Variants in L3MBTL4 observed in about 807,000 individuals in gnomAD.
L3MBTL4 encodes the protein lethal(3)malignant brain tumor-like protein 4.
In L3MBTL4, 70 loss-of-function variants were observed where a neutral mutation model predicts 84.5. The observed-to-expected ratio is 0.83, with a 90% confidence interval of 0.68 to 1.01. The LOEUF is 1.01. Among genes scored for constraint, L3MBTL4 ranks in the 50% least tolerant of loss-of-function variants. The probability of loss-of-function intolerance (pLI) is 0.00; values close to 1 mark genes in which losing one functional copy is unlikely to be tolerated. For synonymous variants in L3MBTL4, 274 were observed against 259.8 expected (o/e 1.05, Z -0.52); for missense variants, 715 against 754.8 (o/e 0.95, Z 0.62).
chr18:6,017,959 AT>A (rs1169077318), intron 16 of L3MBTL4: 1 of 152,210 alleles, frequency 6.6e-6, no homozygotes, highest in Non-Finnish European at 1.5e-5. Context: ...TTACAAAAAA[AT>A]GTCCTGTGCA....
intron 14 of L3MBTL4, among the ~76,000 whole-genome samples, chr18:6,100,566 C>T (rs1242555353): frequency 6.6e-6 from 1 of 152,162 alleles, no homozygotes; most frequent in African/African-American, 2.4e-5. Flanking sequence ...GACACCTGGA[C>T]ATTTTGGGGA....
At chr18:6,121,453 T>C (rs2059523719) in intron 14 of L3MBTL4, among the ~76,000 whole-genome samples, 5 of 152,336 alleles carry the variant, frequency 3.3e-5, no homozygotes. Flanking sequence ...ATAATTATCA[T>C]ATCATCAAAA....
At chr18:6,175,849 T>C (rs2044203728) in intron 12 of L3MBTL4, among the ~76,000 whole-genome samples, 1 of 152,014 alleles carries the variant, frequency 6.6e-6, no homozygotes, top group South Asian at 2.1e-4. Flanking sequence ...GAAATATTAA[T>C]AAAAGGCATG....
intron 1 of L3MBTL4, among the ~76,000 whole-genome samples, chr18:6,335,675 T>C (rs1466060377): frequency 6.6e-6 from 1 of 152,164 alleles, no homozygotes; most frequent in East Asian, 1.9e-4. Context: ...GATTGGATCA[T>C]GTGGGCAGTT....
At chr18:6,033,820 T>A (rs1248361142) in intron 16 of L3MBTL4, among the ~76,000 whole-genome samples, 1 of 152,238 alleles carries the variant, frequency 6.6e-6, no homozygotes, top group African/African-American at 2.4e-5. Context: ...GCTCTCACCC[T>A]TTTTGGTTGT....
intron 1 of L3MBTL4, among the ~76,000 whole-genome samples, chr18:6,362,538 AC>A (rs1432556368): frequency 6.6e-6 from 1 of 152,180 alleles, no homozygotes; most frequent in African/African-American, 2.4e-5. Context: ...CTGGTATTCT[AC>A]CACATCCCTG....
At chr18:5,973,663 C>T (rs1056989368) in intron 16 of L3MBTL4, among the ~76,000 whole-genome samples, 5 of 152,178 alleles carry the variant, frequency 3.3e-5, no homozygotes, top group Admixed American at 3.3e-4. Context: ...CTCATCAAAT[C>T]AGACGGATCA....
At chr18:6,260,865 TGCTCC>T (rs2048368200) in intron 5 of L3MBTL4, 3 of 152,378 alleles carry the variant, frequency 2.0e-5, no homozygotes, top group Non-Finnish European at 4.4e-5. Context: ...TTTAGTCTGA[TGCTCC>T]TTCTTGGAAA....
intron 1 of L3MBTL4, among the ~76,000 whole-genome samples, chr18:6,371,793 T>A (rs1030563242): frequency 1.3e-5 from 2 of 152,224 alleles, no homozygotes; most frequent in Non-Finnish European, 2.9e-5. Context: ...TTGTTCTTGG[T>A]TTCAGAACAC....
chr18:6,282,104 T>C (rs761669738), intron 4 of L3MBTL4, among the ~76,000 whole-genome samples: 2 of 152,066 alleles, frequency 1.3e-5, no homozygotes, highest in South Asian at 2.1e-4. Flanking sequence ...TCTCCATGAG[T>C]CTAAACCAAC....
intron 14 of L3MBTL4, among the ~76,000 whole-genome samples, chr18:6,104,059 T>C (rs2058920370): frequency 6.6e-6 from 1 of 152,200 alleles, no homozygotes; most frequent in African/African-American, 2.4e-5. Flanking sequence ...GCCCAGCTCC[T>C]CCTTGGGTCA....
chr18:6,090,577 A>G (rs665099), intron 15 of L3MBTL4, among the ~76,000 whole-genome samples: 9 of 135,314 alleles, frequency 6.7e-5, no homozygotes, highest in Non-Finnish European at 1.4e-4. Context: ...ATATATGTGT[A>G]TATATATTAT....
At chr18:6,075,756 A>T (rs1356701164) in intron 16 of L3MBTL4, among the ~76,000 whole-genome samples, 1 of 152,170 alleles carries the variant, frequency 6.6e-6, no homozygotes, top group East Asian at 1.9e-4. Flanking sequence ...TCTGTAATAC[A>T]ATTATAAAAC....
chr18:6,409,588 G>A (rs956442900), intron 1 of L3MBTL4, among the ~76,000 whole-genome samples: 1 of 152,290 alleles, frequency 6.6e-6, no homozygotes, highest in Non-Finnish European at 1.5e-5. Context: ...ATGTGTTTGG[G>A]TGCATGTGCC....
rs536147116 is a variant in L3MBTL4, at chr18:6,188,048, T to A, written c.982-16106A>T. ...TCCAGCTGAATGCTATGTCCAGTAT[T>A]TCAGCACTTATGTTCCTGATGTTCC... On this transcript the variant is annotated intron_variant, in intron 12 of 18. Transcript: ENST00000317931. Among the ~76,000 whole-genome samples the A allele has an allele frequency of 3.9e-5, 6 of 152,150 alleles. No homozygotes were observed. The South Asian group carries it at 1.2e-3, about 32-fold the overall frequency.
intron 14 of L3MBTL4, among the ~76,000 whole-genome samples, chr18:6,115,537 T>C (rs1358045576): frequency 6.6e-6 from 1 of 152,160 alleles, no homozygotes; most frequent in Non-Finnish European, 1.5e-5. Context: ...GCTTTGAATA[T>C]GAGAAGCCAG....
At chr18:6,201,415 C>T (rs867243570) in intron 12 of L3MBTL4, among the ~76,000 whole-genome samples, 10 of 152,024 alleles carry the variant, frequency 6.6e-5, no homozygotes, top group Non-Finnish European at 1.5e-4. Flanking sequence ...CTGTGAGGAG[C>T]GAGGGTGTGT....
chr18:6,239,643 A>C, intron 9 of L3MBTL4, 75 bp downstream of exon 9: 10 of 1,454,690 alleles, frequency 6.9e-6, no homozygotes, highest in Non-Finnish European at 8.5e-6. Context: ...AAACAGCAAC[A>C]GTGCTAGAAT....
At chr18:6,149,310 G>A (rs1471696730) in intron 13 of L3MBTL4, among the ~76,000 whole-genome samples, 2 of 150,010 alleles carry the variant, frequency 1.3e-5, no homozygotes, top group Non-Finnish European at 3.0e-5. Context: ...TTGGTTTTTT[G>A]TCCTTGCGAT....
Sources: allele counts gnomAD v4.1 joint callset (sites outside exome capture counted in the v4.1 genomes callset), GRCh38; gene constraint gnomAD v4.1.1; transcripts MANE v1.5; gene names NCBI Gene and HGNC (gene_info 2026-07-23, HGNC 2026-07-21).